GRIK2: variants seen among roughly 807,000 people sequenced by gnomAD.
GRIK2 encodes the protein glutamate ionotropic receptor kainate type subunit 2, also known as glutamate receptor ionotropic, kainate 2.
Under a neutral mutation model 100.3 loss-of-function variants are expected in GRIK2, and 32 were observed. That is an observed-to-expected ratio of 0.32 (90% CI 0.24 to 0.43). GRIK2 has a LOEUF of 0.43. Ranked by LOEUF, GRIK2 falls within the 20% of genes least tolerant of loss-of-function variation. The pLI is 1.00. For missense variants in GRIK2, 843 were observed against 1,114.9 expected (o/e 0.76, Z 3.47); for synonymous variants, 417 against 389.4 (o/e 1.07, Z -0.83).
chr6:102,016,559 A>T (rs1582729247), intron 14 of GRIK2, among the ~76,000 whole-genome samples: 1 of 151,596 alleles, frequency 6.6e-6, no homozygotes, highest in East Asian at 1.9e-4. Flanking sequence ...TAAATAAAAA[A>T]ATTCAAAAAA....
chr6:102,065,690 C>T (rs1771982936), intron 16 of GRIK2: 3 of 622,146 alleles, frequency 4.8e-6, no homozygotes, highest in Non-Finnish European at 5.3e-6. Context: ...AGGTTTATTT[C>T]AAACGATTCA....
chr6:101,536,174 C>A (rs1218422471), intron 2 of GRIK2, among the ~76,000 whole-genome samples: 3 of 151,610 alleles, frequency 2.0e-5, no homozygotes, highest in Non-Finnish European at 4.4e-5. Flanking sequence ...TGAAGCCCCA[C>A]TATTTCTAAT....
At chr6:101,463,332 T>C (rs975429433) in intron 2 of GRIK2, among the ~76,000 whole-genome samples, 23 of 152,300 alleles carry the variant, frequency 1.5e-4, no homozygotes, top group African/African-American at 4.8e-4. Context: ...TGCCTTATGA[T>C]TGCAATGGTT....
At chr6:101,572,431 G>GT (rs1777582735) in intron 2 of GRIK2, among the ~76,000 whole-genome samples, 1 of 152,014 alleles carries the variant, frequency 6.6e-6, no homozygotes, top group Admixed American at 6.6e-5. Flanking sequence ...GTAAGTGTGC[G>GT]TAATACAATA....
intron 7 of GRIK2, among the ~76,000 whole-genome samples, chr6:101,708,264 A>G (rs974714116): frequency 1.3e-5 from 2 of 151,790 alleles, no homozygotes; most frequent in African/African-American, 4.8e-5. Flanking sequence ...TTTAAAAGAG[A>G]ATAAAAACTT....
chr6:101,853,168 T>C (rs904471344), intron 10 of GRIK2, among the ~76,000 whole-genome samples: 5 of 152,184 alleles, frequency 3.3e-5, no homozygotes, highest in African/African-American at 9.6e-5. Context: ...AAGTAGGTAT[T>C]GTGGAAGTTG....
chr6:101,409,587 G>C (rs1216337966), intron 2 of GRIK2, among the ~76,000 whole-genome samples: 1 of 151,958 alleles, frequency 6.6e-6, no homozygotes, highest in East Asian at 1.9e-4. Flanking sequence ...CGTGAATTTA[G>C]TTGTTTGGGT....
chr6:102,067,216 T>C (rs1319282555), intron 16 of GRIK2, among the ~76,000 whole-genome samples: 1 of 151,766 alleles, frequency 6.6e-6, no homozygotes, highest in Admixed American at 6.6e-5. Context: ...ATATGTCTAA[T>C]TAGCAAATGC....
chr6:101,861,292 T>C (rs1784719127), intron 11 of GRIK2, among the ~76,000 whole-genome samples: 2 of 152,212 alleles, frequency 1.3e-5, no homozygotes. Flanking sequence ...ATAGTATTTA[T>C]GAGTGTTTGT....
At chr6:101,588,670 A>ACACACACG (rs1554224621) in intron 2 of GRIK2, among the ~76,000 whole-genome samples, 12 of 142,134 alleles carry the variant, frequency 8.4e-5, no homozygotes, top group East Asian at 7.9e-4. Context: ...ACGCACACGC[A>ACACACACG]CACACACACA....
At chr6:101,502,250 C>T (rs965107348) in intron 2 of GRIK2, among the ~76,000 whole-genome samples, 4 of 152,082 alleles carry the variant, frequency 2.6e-5, no homozygotes, top group Non-Finnish European at 4.4e-5. Flanking sequence ...TTGAAAGGTA[C>T]ATTCCCATTG....
intron 12 of GRIK2, among the ~76,000 whole-genome samples, chr6:101,907,468 A>G (rs1458492348): frequency 6.6e-6 from 1 of 151,688 alleles, no homozygotes; most frequent in Non-Finnish European, 1.5e-5. Context: ...AAATAAGATG[A>G]CCTAACAAGA....
At chr6:101,598,949 T>G (rs748305919) in intron 2 of GRIK2, among the ~76,000 whole-genome samples, 1 of 151,544 alleles carries the variant, frequency 6.6e-6, no homozygotes, top group Non-Finnish European at 1.5e-5. Context: ...TGAGTGTATG[T>G]GGAGGTTTGT....
intron 2 of GRIK2, among the ~76,000 whole-genome samples, chr6:101,499,452 G>A (rs561325387): frequency 6.6e-6 from 1 of 152,142 alleles, no homozygotes; most frequent in East Asian, 1.9e-4. Flanking sequence ...TACTTCTGCA[G>A]CAAATAAAGC....
At chr6:101,415,826 A>G (rs1400602282) in intron 2 of GRIK2, among the ~76,000 whole-genome samples, 3 of 152,160 alleles carry the variant, frequency 2.0e-5, no homozygotes, top group Non-Finnish European at 2.9e-5. Context: ...GGAATATGCT[A>G]ATGAATCTTC....
intron 14 of GRIK2, among the ~76,000 whole-genome samples, chr6:102,021,657 A>G (rs977056267): frequency 2.6e-5 from 4 of 151,490 alleles, no homozygotes; most frequent in African/African-American, 9.7e-5. Flanking sequence ...CGTATATTAT[A>G]TTCAGTTTTC....
chr6:101,659,596 C>G (rs191338851), intron 4 of GRIK2, among the ~76,000 whole-genome samples: 77 of 152,276 alleles, frequency 5.1e-4, no homozygotes, highest in African/African-American at 1.8e-3. Context: ...TATGTTCTTG[C>G]AGTAGCTGGT....
At chr6:101,634,347 A>G (rs1374077563) in intron 4 of GRIK2, among the ~76,000 whole-genome samples, 19 of 152,114 alleles carry the variant, frequency 1.2e-4, no homozygotes, top group Non-Finnish European at 1.9e-4. Flanking sequence ...TGGCACATTT[A>G]CCTAGAAGGG....
At chr6:101,758,305 T>C (rs1057216938) in intron 7 of GRIK2, among the ~76,000 whole-genome samples, 1 of 152,172 alleles carries the variant, frequency 6.6e-6, no homozygotes, top group African/African-American at 2.4e-5. Context: ...AGTTAAAGCA[T>C]TTTAATATTT....
Sources: gnomAD v4.1 joint callset for allele counts (sites outside exome capture counted in the v4.1 genomes callset) on GRCh38, gnomAD v4.1.1 for gene constraint, MANE v1.5 for transcripts, NCBI Gene and HGNC (gene_info 2026-07-23, HGNC 2026-07-21) for gene names.